GLI2: variants seen among roughly 807,000 people sequenced by gnomAD.
GLI2 encodes the protein GLI family zinc finger 2.
GLI2 carries 22 observed loss-of-function variants against 78.9 expected under a neutral mutation model. That is an observed-to-expected ratio of 0.28 (90% CI 0.20 to 0.40). The LOEUF is 0.40. Ranked by LOEUF, GLI2 falls within the 10% of genes least tolerant of loss-of-function variation. GLI2 has a pLI of 1.00. For missense variants in GLI2, 2,097 were observed against 2,213.2 expected, an observed-to-expected ratio of 0.95 and a Z score of 1.05; for synonymous variants, 974 against 963.7, an observed-to-expected ratio of 1.01 and a Z score of -0.20.
rs1414687726 is a variant in GLI2, at chr2:120,982,705, C to T, written c.1468-11C>T. On this transcript the variant is annotated splice_polypyrimidine_tract_variant and intron_variant, in intron 10 of 13. Transcript: ENST00000361492. Reference sequence around the variant, plus strand: ...TGGGGTGCCTTGACTGACTGAACCGCCTCCTTCTAGTTCGAGGGCTGCTCG... The same window carrying T: ...TGGGGTGCCTTGACTGACTGAACCGTCTCCTTCTAGTTCGAGGGCTGCTCG... 2 of 1,608,002 alleles carry T rather than the reference C, an allele frequency of 1.2e-6. No homozygotes were observed. Among genetic ancestry groups the T allele is most frequent in the African/African-American group, 1.3e-5 (1 of 74,842 alleles).
At chr2:120,919,594 A>G (rs7558624) in intron 2 of GLI2, among the ~76,000 whole-genome samples, 142,255 of 152,324 alleles carry the variant, frequency 0.93, 66,479 homozygotes, top group East Asian at 1. Flanking sequence ...GGTGGGTGCA[A>G]CATGGCTGCT....
chr2:120,853,073 G>C (rs1370329543), intron 2 of GLI2, among the ~76,000 whole-genome samples: 1 of 152,218 alleles, frequency 6.6e-6, no homozygotes, highest in Admixed American at 6.5e-5. Context: ...GGAGACAGTA[G>C]ACGACACTGT....
intron 2 of GLI2, among the ~76,000 whole-genome samples, chr2:120,865,201 C>T (rs115931155): frequency 0.012 from 1,883 of 152,276 alleles, 13 homozygotes; most frequent in Non-Finnish European, 0.016. Context: ...TGGAGCCCTT[C>T]GCGGTTCCAG....
chr2:120,992,047 CA>C lies in GLI2; in HGVS notation c.*1373del, dbSNP rs1370834779. 8.5e-4 allele frequency: 130 copies of C among 152,438 alleles called. No homozygotes were observed. The highest frequency in any genetic ancestry group is 6.1e-3 in the East Asian group (32 of 5,250). The allele number at this position is 152,438 out of a possible 1,614,324, so 9.4% of individuals were successfully genotyped here. On this transcript the variant is annotated 3_prime_UTR_variant, in exon 14 of 14. Coordinates refer to ENST00000361492, the MANE Select transcript of GLI2 (RefSeq NM_001374353.1). ...ACACACACACACACACACACACACA[CA>C]CACCCCAAACCTTTTCATGGGGAAT...
At chr2:120,920,926 A>G (rs930930493) in intron 2 of GLI2, among the ~76,000 whole-genome samples, 2 of 148,198 alleles carry the variant, frequency 1.3e-5, no homozygotes, top group Admixed American at 6.8e-5. Context: ...CACAAAAGCC[A>G]ACAATGAAAG....
Position 120,989,160 on chromosome 2 carries a change from C to T in GLI2, c.3195C>T (p.Thr1065=), listed in dbSNP as rs201636180. Residue 1065 remains threonine (T), a synonymous_variant, in exon 14 of 14, where the codon ACC becomes ACT. Transcript: ENST00000361492. Reference sequence around the variant, plus strand: ...CCAGTGGCGCTCTGGACGAGGGCACCGGGCAGGTGTATCCCACGGAAAGCA... The same window carrying T: ...CCAGTGGCGCTCTGGACGAGGGCACTGGGCAGGTGTATCCCACGGAAAGCA... The part of the protein sequence containing the change: ...AHASGALDEG[T]GQVYPTESTG... 10 of 1,613,030 alleles carry T rather than the reference C, an allele frequency of 6.2e-6. No homozygotes were observed. The highest frequency in any genetic ancestry group is 1.7e-5 in the Admixed American group (1 of 60,016).
In GLI2 at chr2:120,989,263, G is replaced by C; in HGVS notation, c.3298G>C (p.Val1100Leu). 1 of 1,613,112 alleles carries C rather than the reference G, an allele frequency of 6.2e-7. No individual in the cohort carries two copies. Among genetic ancestry groups the C allele is most frequent in the East Asian group, 2.2e-5 (1 of 44,880 alleles). ...QRRMVAADSN[V>L]GPSAPMLGGC... ...CAGGATGGTGGCTGCGGACTCCAACGTGGGCCCCTCCGCCCCTATGCTGGG... is the reference window on the plus strand; with the variant it reads ...CAGGATGGTGGCTGCGGACTCCAACCTGGGCCCCTCCGCCCCTATGCTGGG... Residue 1100 changes from valine (V) to leucine (L), a missense_variant, in exon 14 of 14, where the codon GTG (valine) becomes CTG (leucine). By Grantham distance (32) the Val-to-Leu change is conservative. Transcript: ENST00000361492.
intron 5 of GLI2, among the ~76,000 whole-genome samples, chr2:120,963,799 T>C (rs545616815): frequency 6.6e-6 from 1 of 152,376 alleles, no homozygotes; most frequent in African/African-American, 2.4e-5. Flanking sequence ...TTTTGTCTTC[T>C]GTAAAATGAG....
chr2:120,778,923 G>A (rs897375965), intron 1 of GLI2, among the ~76,000 whole-genome samples: 1 of 152,206 alleles, frequency 6.6e-6, no homozygotes, highest in African/African-American at 2.4e-5. Context: ...CACCAGGCTT[G>A]CCCGGCAAAT....
chr2:120,874,939 G>A (rs551420204), intron 2 of GLI2, among the ~76,000 whole-genome samples: 1 of 152,308 alleles, frequency 6.6e-6, no homozygotes, highest in Non-Finnish European at 1.5e-5. Context: ...CGACTTGGGG[G>A]TGTCAAGCAA....
At chr2:120,881,610 G>T (rs1231733185) in intron 2 of GLI2, among the ~76,000 whole-genome samples, 1 of 95,616 alleles carries the variant, frequency 1.0e-5, no homozygotes, top group Non-Finnish European at 2.1e-5. Context: ...GGGGTGGCGG[G>T]GGGGAGGACA....
At chr2:120,878,722 A>C (rs901105465) in intron 2 of GLI2, among the ~76,000 whole-genome samples, 3 of 152,146 alleles carry the variant, frequency 2.0e-5, no homozygotes, top group Admixed American at 2.0e-4. Flanking sequence ...ATCACAGGTC[A>C]GGAGATCGAG....
At chr2:120,970,348 C>T (rs1420727892) in intron 6 of GLI2, 45 bp from the exon 7 acceptor site, 4 of 1,027,546 alleles carry the variant, frequency 3.9e-6, no homozygotes, top group Non-Finnish European at 4.6e-6. Flanking sequence ...CCTAAGAGAG[C>T]TCCCGATCCC....
chr2:120,796,276 C>A (rs148862497), intron 1 of GLI2, among the ~76,000 whole-genome samples: 1 of 152,230 alleles, frequency 6.6e-6, no homozygotes, highest in South Asian at 2.1e-4. Context: ...GCCTTCAAAC[C>A]ATGTCCATGT....
At chr2:120,818,790 C>T (rs1026779491) in intron 2 of GLI2, among the ~76,000 whole-genome samples, 1 of 152,204 alleles carries the variant, frequency 6.6e-6, no homozygotes, top group African/African-American at 2.4e-5. Flanking sequence ...TAGATGTTTA[C>T]GAAAGGCCTA....
At chr2:120,808,952 GC>G (rs887043620) in intron 2 of GLI2, among the ~76,000 whole-genome samples, 1 of 152,292 alleles carries the variant, frequency 6.6e-6, no homozygotes, top group Non-Finnish European at 1.5e-5. Flanking sequence ...CACATGCCTG[GC>G]CCCCTGGGTT....
intron 5 of GLI2, among the ~76,000 whole-genome samples, chr2:120,966,888 G>T (rs55699656): frequency 0.016 from 2,426 of 152,336 alleles, 21 homozygotes; most frequent in Non-Finnish European, 0.024. Context: ...ATTCAGAGTG[G>T]CCCTAAGGTC....
At chr2:120,837,294 T>G in intron 2 of GLI2, among the ~76,000 whole-genome samples, 1 of 147,820 alleles carries the variant, frequency 6.8e-6, no homozygotes. Flanking sequence ...CTCGGGAGGC[T>G]GAGGCAGGAG....
At chr2:120,777,175 A>G (rs754531930) in intron 1 of GLI2, among the ~76,000 whole-genome samples, 3 of 152,130 alleles carry the variant, frequency 2.0e-5, no homozygotes, top group Non-Finnish European at 4.4e-5. Flanking sequence ...ACATATGACT[A>G]TGCGTGTGTG....
Sources: allele counts gnomAD v4.1 joint callset (sites outside exome capture counted in the v4.1 genomes callset), GRCh38; gene constraint gnomAD v4.1.1; transcripts MANE v1.5; gene names NCBI Gene and HGNC (gene_info 2026-07-23, HGNC 2026-07-21).